The following SMARCA4 variants were observed in gnomAD, a reference collection of about 807,000 sequenced individuals.
The protein encoded by SMARCA4 is SWI/SNF-related matrix-associated actin-dependent regulator of chromatin subfamily A member 4.
SMARCA4 carries 31 observed loss-of-function variants against 193.9 expected under a neutral mutation model. The ratio of observed to expected loss-of-function variants is 0.16; its 90% CI spans 0.12 to 0.22. The LOEUF (loss-of-function observed/expected upper bound fraction) is 0.22. Among genes scored for constraint, SMARCA4 ranks in the 10% least tolerant of loss-of-function variants. SMARCA4 has a pLI of 1.00. For missense variants in SMARCA4, 1,148 were observed against 2,296.0 expected (o/e 0.50, Z 10.22); for synonymous variants, 942 against 933.1 (o/e 1.01, Z -0.17).
At chr19:10,998,198 T>C (rs1232885984) in intron 11 of SMARCA4, among the ~76,000 whole-genome samples, 1 of 152,216 alleles carries the variant, frequency 6.6e-6, no homozygotes, top group African/African-American at 2.4e-5. Context: ...AGGCCAGCTA[T>C]GTCATCCAGT....
At chr19:11,022,346 G>A (rs547958655) in intron 19 of SMARCA4, among the ~76,000 whole-genome samples, 6 of 152,350 alleles carry the variant, frequency 3.9e-5, no homozygotes, top group African/African-American at 1.4e-4. Flanking sequence ...CCTCAGGGCA[G>A]TGGGAAGGAA....
rs757767069 is a variant in SMARCA4 at position 11,034,119 on chromosome 19, A to T, written c.3874-4A>T. ...AGCGGCACTGACAGTTTGCAATCTT[A>T]TAGGAGGAAGACGAGGTGCCCGACG... On this transcript the variant is annotated splice_region_variant and splice_polypyrimidine_tract_variant and intron_variant, in intron 27 of 34. Transcript: ENST00000344626. This position sits in a 1 kb window ranked among gnomAD's most constrained non-coding sequence, Gnocchi z 7.0. 6.2e-7 allele frequency: 1 copy of T among 1,612,500 alleles called. No individual in the cohort carries two copies. Among genetic ancestry groups the T allele is most frequent in the Non-Finnish European group, 8.5e-7 (1 of 1,179,086 alleles).
rs889180299 is a variant in SMARCA4 at position 11,041,321 on chromosome 19, C to T, written c.4185C>T (p.Gly1395=). Residue 1395 remains glycine (G), a synonymous_variant, in exon 30 of 35, where the codon GGC becomes GGT. Coordinates refer to ENST00000344626, the MANE Select transcript of SMARCA4 (RefSeq NM_003072.5). This position sits in a 1 kb window ranked among gnomAD's most constrained non-coding sequence, Gnocchi z 5.6. ...EKQWLKAIEE[G]TLEEIEEEVR... is the part of the protein sequence containing the mutation. The stretch of plus-strand genomic sequence containing the variant: ...TGACCCTGAAGGCCATCGAGGAGGG[C>T]ACGCTGGAGGAGATCGAAGAGGAGG... 9.9e-6 allele frequency: 16 copies of T among 1,610,756 alleles called. No individual in the cohort carries two copies. The highest frequency in any genetic ancestry group is 2.7e-5 in the African/African-American group (2 of 74,882).
In SMARCA4 at chr19:11,041,660, AC is replaced by A; in HGVS notation, c.4424+101del. On this transcript the variant is annotated intron_variant, in intron 30 of 34. Coordinates refer to ENST00000344626, the MANE Select transcript of SMARCA4 (RefSeq NM_003072.5). This position sits in a 1 kb window ranked among gnomAD's most constrained non-coding sequence, Gnocchi z 5.6. ...CTGCACACTCAGGCTTGGGCCGCTC[AC>A]TCTTTCACTCATCCACAAACACTGA... 1.0e-6 allele frequency: 1 copy of A among 989,388 alleles called. No homozygotes were observed. Among genetic ancestry groups the A allele is most frequent in the South Asian group, 1.5e-5 (1 of 65,948 alleles). The allele number at this position is 989,388 out of a possible 1,614,324, so 61.3% of individuals were successfully genotyped here. A position where few individuals can be genotyped will look rare whatever the true frequency, so the allele number is the denominator to read the frequency against.
chr19:11,059,073 A>G (rs1237125249), intron 32 of SMARCA4, 184 bp downstream of exon 32: 3 of 605,138 alleles, frequency 5.0e-6, no homozygotes, highest in African/African-American at 1.8e-5. Context: ...CCAGGAGTTC[A>G]CGACCAGCCT....
intron 16 of SMARCA4, among the ~76,000 whole-genome samples, chr19:11,013,741 A>G (rs2089082185): frequency 6.6e-6 from 1 of 152,132 alleles, no homozygotes; most frequent in African/African-American, 2.4e-5. Context: ...TTGAGGCTCC[A>G]TTGAACAGTC....
chr19:11,046,487 A>G (rs997657310), intron 30 of SMARCA4, among the ~76,000 whole-genome samples: 3 of 152,194 alleles, frequency 2.0e-5, no homozygotes, highest in Non-Finnish European at 4.4e-5. Flanking sequence ...GGGGTCGCCC[A>G]TTGGACTGGG....
Position 11,039,466 on chromosome 19 carries a change from A to G in SMARCA4, c.4171-1841A>G, listed in dbSNP as rs1600445198. The G allele has an allele frequency of 6.3e-7, 1 of 1,596,424 alleles. No individual in the cohort carries two copies. The highest frequency in any genetic ancestry group is 8.5e-7 in the Non-Finnish European group (1 of 1,172,224). Reference sequence around the variant, plus strand: ...AAAAAATTTTGTTGTAGAAAATTACAGGAAAAGATATCCATGACACAGCCA... The same window carrying G: ...AAAAAATTTTGTTGTAGAAAATTACGGGAAAAGATATCCATGACACAGCCA... On this transcript the variant is annotated intron_variant, in intron 29 of 34. Transcript: ENST00000344626.
At chr19:11,061,559 G>A (rs1043410053) in intron 34 of SMARCA4, among the ~76,000 whole-genome samples, 1 of 152,138 alleles carries the variant, frequency 6.6e-6, no homozygotes, top group African/African-American at 2.4e-5. Context: ...GTATTTTTTA[G>A]TAGAGACGGG....
intron 1 of SMARCA4, among the ~76,000 whole-genome samples, chr19:10,973,407 C>CTT (rs775660619): frequency 2.1e-5 from 3 of 143,888 alleles, no homozygotes; most frequent in African/African-American, 5.1e-5. Flanking sequence ...AAGCGGTTTT[C>CTT]TTTTTTTTTT....
chr19:10,993,812 A>G (rs542824812), intron 8 of SMARCA4, among the ~76,000 whole-genome samples: 10 of 151,370 alleles, frequency 6.6e-5, no homozygotes, highest in African/African-American at 2.4e-4. Flanking sequence ...CGCCCGGCTA[A>G]TTTTTTGTAT....
At chr19:10,979,907 G>T (rs2145659560) in intron 1 of SMARCA4, among the ~76,000 whole-genome samples, 1 of 152,258 alleles carries the variant, frequency 6.6e-6, no homozygotes, top group Non-Finnish European at 1.5e-5. Flanking sequence ...TGTTCTTCAA[G>T]CTGTTCACCT....
Position 11,058,850 on chromosome 19 carries a change from G to T in SMARCA4, c.4596G>T (p.Leu1532=), listed in dbSNP as rs377000132. 7.4e-6 allele frequency: 12 copies of T among 1,614,118 alleles called. No homozygotes were observed. In the African/African-American group the frequency reaches 1.5e-4, roughly 20 times the overall value. The change falls in exon 32 of 35, where the codon CTG becomes CTT. Residue 1532 remains leucine (L), a synonymous_variant. Coordinates refer to ENST00000344626, the MANE Select transcript of SMARCA4 (RefSeq NM_003072.5). This position sits in a 1 kb window ranked among gnomAD's most constrained non-coding sequence, Gnocchi z 5.8. ...ACCTAGAGAAGGACGTCATGCTCCT[G>T]TGCCAGAACGCACAGACCTTCAACC... The part of the protein sequence containing the change: ...LNDLEKDVML[L]CQNAQTFNLE...
chr19:10,998,469 A>G (rs1244494910), intron 11 of SMARCA4, among the ~76,000 whole-genome samples: 1 of 150,112 alleles, frequency 6.7e-6, no homozygotes, highest in East Asian at 1.9e-4. Flanking sequence ...ACTATGTTGT[A>G]ACTCCTCAGA....
At chr19:11,025,958 G>A (rs1011923464) in intron 22 of SMARCA4, among the ~76,000 whole-genome samples, 8 of 152,214 alleles carry the variant, frequency 5.3e-5, no homozygotes, top group Admixed American at 2.0e-4. Flanking sequence ...TTGGTGTAAA[G>A]TGTCAGGGTC....
chr19:11,020,387 T>C (rs1371432907), intron 18 of SMARCA4, among the ~76,000 whole-genome samples: 1 of 151,944 alleles, frequency 6.6e-6, no homozygotes, highest in East Asian at 1.9e-4. Context: ...GAGTGAGTGT[T>C]GAACAGTAGA....
At chr19:10,964,520 A>T (rs1033278268) in intron 1 of SMARCA4, among the ~76,000 whole-genome samples, 2 of 151,846 alleles carry the variant, frequency 1.3e-5, no homozygotes, top group African/African-American at 4.8e-5. Flanking sequence ...CATGTTGGCC[A>T]AGCTGGTCTT....
chr19:11,002,606 G>A (rs370709614), intron 11 of SMARCA4, among the ~76,000 whole-genome samples: 2 of 152,086 alleles, frequency 1.3e-5, no homozygotes, highest in African/African-American at 4.8e-5. Flanking sequence ...AGACCAGCCC[G>A]GCCTGAATTT....
At position 11,035,036 on chromosome 19, in the gene SMARCA4, C is replaced by T. The variant is rs1269190894; in HGVS notation, c.4074C>T (p.Thr1358=). The part of the protein sequence containing the change: ...IKDDAEVERL[T]CEEEEEKMFG... ...ACGACGCGGAGGTGGAGCGGCTGAC[C>T]TGTGAGGAGGAGGAGGAGAAGATGT... Residue 1358 remains threonine (T), a synonymous_variant, in exon 29 of 35, where the codon ACC becomes ACT. Coordinates refer to ENST00000344626, the MANE Select transcript of SMARCA4 (RefSeq NM_003072.5). 3.1e-6 allele frequency: 5 copies of T among 1,612,758 alleles called. No homozygotes were observed. Among genetic ancestry groups the T allele is most frequent in the Non-Finnish European group, 4.2e-6 (5 of 1,179,846 alleles).
Sources: gnomAD v4.1 joint callset for allele counts (sites outside exome capture counted in the v4.1 genomes callset) on GRCh38, gnomAD v4.1.1 for gene constraint, Gnocchi (gnomAD v3.1) non-coding constraint, MANE v1.5 for transcripts, NCBI Gene and HGNC (gene_info 2026-07-23, HGNC 2026-07-21) for gene names.